The following NRXN1 variants were observed in gnomAD, a reference collection of about 807,000 sequenced individuals.
NRXN1 encodes neurexin-1.
In NRXN1, 39 loss-of-function variants were observed where a neutral mutation model predicts 150.9. The observed-to-expected ratio is 0.26, with a 90% CI of 0.20 to 0.34. The LOEUF (loss-of-function observed/expected upper bound fraction) is 0.34. Ranked by LOEUF, NRXN1 falls within the 10% of genes least tolerant of loss-of-function variation. The pLI, the probability that NRXN1 is intolerant of heterozygous loss-of-function variation, is 1.00. For missense variants in NRXN1, 1,815 were observed against 1,949.9 expected (o/e 0.93, Z 1.30); for synonymous variants, 924 against 757.0 (o/e 1.22, Z -3.62).
At chr2:50,232,733 T>C (rs779338310) in intron 18 of NRXN1, among the ~76,000 whole-genome samples, 4 of 152,090 alleles carry the variant, frequency 2.6e-5, no homozygotes, top group Non-Finnish European at 5.9e-5. Context: ...TTCTCTGCCA[T>C]CAGAAAGTTT....
rs1255612970 is a variant in NRXN1, at chr2:50,237,051, G to A, written c.3365-81C>T. On this transcript the variant is annotated intron_variant, in intron 17 of 22. Coordinates refer to ENST00000401669, the MANE Select transcript of NRXN1 (RefSeq NM_001330078.2). ...CAAGGCATGTTATATTGATATATCA[G>A]TAAAGTATCAACTCTACACACAAAA... 6 of 1,320,756 alleles carry A rather than the reference G, an allele frequency of 4.5e-6. No homozygotes were observed. In the African/African-American group the frequency reaches 8.7e-5, roughly 19 times the overall value. The allele number at this position is 1,320,756 out of a possible 1,614,324, so 81.8% of individuals were successfully genotyped here.
rs142914853 is a variant in NRXN1, at chr2:50,788,546, ATTGTTT to A, written c.832+133317_832+133322del. On this transcript the variant is annotated intron_variant, in intron 5 of 22. Coordinates refer to ENST00000401669, the MANE Select transcript of NRXN1 (RefSeq NM_001330078.2). ...ATAACTTCTGTAATATCATAAGACT[ATTGTTT>A]CTAAGGTACCTACTAGTGGCAAATG... Among the ~76,000 whole-genome samples, 46 of 152,040 alleles carry A rather than the reference ATTGTTT, an allele frequency of 3.0e-4. No homozygotes were observed. The East Asian group carries it at 7.0e-3, about 23-fold the overall frequency.
At chr2:50,869,550 A>G (rs1677454791) in intron 5 of NRXN1, among the ~76,000 whole-genome samples, 1 of 151,782 alleles carries the variant, frequency 6.6e-6, no homozygotes, top group Non-Finnish European at 1.5e-5. Flanking sequence ...ATACAAGTTA[A>G]ATCAAATTTT....
intron 18 of NRXN1, among the ~76,000 whole-genome samples, chr2:50,199,567 CA>C (rs1039523629): frequency 6.9e-6 from 1 of 145,798 alleles, no homozygotes; most frequent in Non-Finnish European, 1.5e-5. Context: ...CACACACACA[CA>C]TGCACACTGA....
intron 5 of NRXN1, among the ~76,000 whole-genome samples, chr2:50,653,666 T>G (rs542589652): frequency 2.6e-5 from 4 of 152,056 alleles, no homozygotes; most frequent in African/African-American, 9.7e-5. Flanking sequence ...GAAGTTCAAA[T>G]GTACCTTGAT....
At chr2:50,696,318 A>G (rs568279625) in intron 5 of NRXN1, 3 of 152,720 alleles carry the variant, frequency 2.0e-5, no homozygotes, top group Non-Finnish European at 4.4e-5. Context: ...TGAAATGTAC[A>G]TAATTCTTCA....
chr2:50,549,753 T>C (rs1667163098), intron 9 of NRXN1, among the ~76,000 whole-genome samples: 1 of 152,194 alleles, frequency 6.6e-6, no homozygotes, highest in African/African-American at 2.4e-5. Flanking sequence ...GATTTTATTC[T>C]GCTTGAAGAT....
intron 15 of NRXN1, among the ~76,000 whole-genome samples, chr2:50,478,024 C>T (rs1360768982): frequency 6.6e-6 from 1 of 152,050 alleles, no homozygotes; most frequent in Non-Finnish European, 1.5e-5. Context: ...CCTCTGTCCC[C>T]AAATTTGTAC....
intron 8 of NRXN1, among the ~76,000 whole-genome samples, chr2:50,618,766 A>G (rs890161833): frequency 2.0e-5 from 3 of 149,712 alleles, no homozygotes; most frequent in East Asian, 3.9e-4. Flanking sequence ...TAGTACTATA[A>G]TAATAATAAT....
At chr2:50,646,916 G>A (rs534009270) in intron 5 of NRXN1, among the ~76,000 whole-genome samples, 1 of 151,854 alleles carries the variant, frequency 6.6e-6, no homozygotes, top group South Asian at 2.1e-4. Context: ...GGAGGAAGAA[G>A]GACAGACTAT....
chr2:50,425,260 T>C (rs1044257124), intron 17 of NRXN1, among the ~76,000 whole-genome samples: 1 of 152,236 alleles, frequency 6.6e-6, no homozygotes, highest in African/African-American at 2.4e-5. Flanking sequence ...GACTTTATAC[T>C]GGAACAAGCT....
intron 22 of NRXN1, among the ~76,000 whole-genome samples, chr2:49,927,269 A>G (rs1018446321): frequency 1.4e-4 from 22 of 152,248 alleles, no homozygotes; most frequent in African/African-American, 5.3e-4. Context: ...ATAACTTTCT[A>G]AATTTGTTTG....
chr2:50,808,384 T>C (rs1667787634), intron 5 of NRXN1, among the ~76,000 whole-genome samples: 1 of 152,136 alleles, frequency 6.6e-6, no homozygotes, highest in African/African-American at 2.4e-5. Context: ...GAATACATCA[T>C]TGTTAATTTT....
intron 17 of NRXN1, among the ~76,000 whole-genome samples, chr2:50,258,090 T>C (rs1355251348): frequency 6.6e-6 from 1 of 152,014 alleles, no homozygotes; most frequent in Non-Finnish European, 1.5e-5. Context: ...TGTTGATGGG[T>C]GCTTACTGAT....
intron 17 of NRXN1, among the ~76,000 whole-genome samples, chr2:50,273,168 G>C (rs547099298): frequency 6.2e-4 from 94 of 152,154 alleles, no homozygotes; most frequent in Admixed American, 1.4e-3. Flanking sequence ...TCTCAACACT[G>C]TTCAAAGGAA....
At chr2:50,254,659 G>T (rs2067519432) in intron 17 of NRXN1, among the ~76,000 whole-genome samples, 1 of 151,936 alleles carries the variant, frequency 6.6e-6, no homozygotes, top group South Asian at 2.1e-4. Context: ...TTTATGCTTA[G>T]TAGAAACAGT....
chr2:50,860,953 A>T (rs1012824771), intron 5 of NRXN1, among the ~76,000 whole-genome samples: 5 of 152,104 alleles, frequency 3.3e-5, no homozygotes, highest in Admixed American at 1.3e-4. Context: ...AAGCATAATT[A>T]AAAATGTGAT....
chr2:50,473,948 C>G, intron 15 of NRXN1, among the ~76,000 whole-genome samples: 1 of 151,904 alleles, frequency 6.6e-6, no homozygotes, highest in East Asian at 1.9e-4. Flanking sequence ...AGTCATTCAA[C>G]GTTAAAAACT....
chr2:50,951,258 T>C (rs952405936), intron 2 of NRXN1, among the ~76,000 whole-genome samples: 7 of 152,142 alleles, frequency 4.6e-5, no homozygotes, highest in African/African-American at 1.7e-4. Flanking sequence ...GCACAAAGCC[T>C]GTAAATCTGT....
Sources: allele counts gnomAD v4.1 joint callset (sites outside exome capture counted in the v4.1 genomes callset), GRCh38; gene constraint gnomAD v4.1.1; transcripts MANE v1.5; gene names NCBI Gene and HGNC (gene_info 2026-07-23, HGNC 2026-07-21).